The following MMUT variants were observed in gnomAD, a reference collection of about 807,000 sequenced individuals.
MMUT encodes the protein methylmalonyl-CoA mutase.
MMUT carries 79 observed loss-of-function variants against 79.9 expected under a neutral mutation model. That is an observed-to-expected ratio of 0.99 (90% CI 0.82 to 1.19). MMUT has a LOEUF of 1.19. Ranked by LOEUF, MMUT falls within the 50% of genes most tolerant of loss-of-function variation. MMUT has a pLI of 0.00. For missense variants in MMUT, 860 were observed against 917.2 expected, an observed-to-expected ratio of 0.94 and a Z score of 0.81; for synonymous variants, 273 against 295.7, an observed-to-expected ratio of 0.92 and a Z score of 0.79.
chr6:49,459,084 T>C lies in MMUT; in HGVS notation c.383A>G (p.Lys128Arg). The change falls in exon 2 of 13, where the codon AAG (lysine) becomes AGG (arginine). Residue 128 changes from lysine to arginine, a missense_variant and splice_region_variant. Lys to Arg is a conservative substitution (Grantham distance 26). Coordinates refer to ENST00000274813, the MANE Select transcript of MMUT (RefSeq NM_000255.4). ...ESNKFYKDNI[K>R]AGQQGLSVAF... ...TATGTCTTACATTAAAATCTCACCC[T>C]TAATGTTGTCCTTATAGAACTTATT... is the stretch of plus-strand genomic sequence containing the variant. 3 of 1,614,014 alleles carry C rather than the reference T, an allele frequency of 1.9e-6. No individual in the cohort carries two copies. Among genetic ancestry groups the C allele is most frequent in the Non-Finnish European group, 2.5e-6 (3 of 1,179,940 alleles).
At chr6:49,447,614 A>G (rs1767440280) in intron 8 of MMUT, 56 bp downstream of exon 8, 4 of 1,000,672 alleles carry the variant, frequency 4.0e-6, no homozygotes, top group Admixed American at 1.8e-5. Context: ...AAGCTTAGCC[A>G]GAGCCCAGAA....
At chr6:49,432,332 AT>A (rs60947232) in intron 12 of MMUT, among the ~76,000 whole-genome samples, 53,652 of 149,562 alleles carry the variant, frequency 0.36, 9,656 homozygotes, top group African/African-American at 0.39. Context: ...AAATAAGCCC[AT>A]TTTTTTTTTC....
intron 12 of MMUT, among the ~76,000 whole-genome samples, chr6:49,434,198 A>C (rs767389596): frequency 1.1e-4 from 17 of 152,182 alleles, no homozygotes; most frequent in Non-Finnish European, 2.9e-5. Flanking sequence ...GCAATAAAGA[A>C]TAACTACCCT....
rs778864344 is a variant in MMUT at position 49,444,666 on chromosome 6, G to A, written c.1649C>T (p.Ala550Val). ...TGCCCGAGATGCATCCACTGCAAGAGCCAGGATATTTCCATCTCCGCTAGC... is the reference window on the plus strand; with the variant it reads ...TGCCCGAGATGCATCCACTGCAAGAACCAGGATATTTCCATCTCCGCTAGC... ...CAASGDGNIL[A>V]LAVDASRARC... The change falls in exon 9 of 13, where the codon GCT becomes GTT. Residue 550 changes from alanine to valine, a missense_variant. Physicochemically the swap from Ala to Val is moderately conservative, Grantham distance 64. Transcript: ENST00000274813. 2.6e-5 allele frequency: 42 copies of A among 1,613,222 alleles called. No individual in the cohort carries two copies. The highest frequency in any genetic ancestry group is 3.4e-5 in the Non-Finnish European group (40 of 1,179,450).
chr6:49,444,640 T>C lies in MMUT; in HGVS notation c.1675A>G (p.Arg559Gly). 1 of 1,612,120 alleles carries C rather than the reference T, an allele frequency of 6.2e-7. No homozygotes were observed. Among genetic ancestry groups the C allele is most frequent in the Non-Finnish European group, 8.5e-7 (1 of 1,178,314 alleles). Residue 559 changes from arginine (R) to glycine (G), a missense_variant and splice_region_variant, in exon 9 of 13, where the codon AGA becomes GGA. Arg to Gly is a moderately radical substitution (Grantham distance 125). Transcript: ENST00000274813. ...ACCTCCAAACTTATATATCTTCACC[T>C]TGCCCGAGATGCATCCACTGCAAGA... ...LALAVDASRARCTVGEITDAL... is the reference protein window; with the variant it reads ...LALAVDASRAGCTVGEITDAL...
Position 49,441,934 on chromosome 6 carries a change from C to T in MMUT, c.1714G>A (p.Val572Ile). ...VGEITDALKK[V>I]FGEHKANDRM... ...TCATTCGCTTTATGTTCACCAAATA[C>T]CTTTTTCAGGGCATCTGTGATTTCT... Residue 572 changes from valine to isoleucine, a missense_variant, in exon 10 of 13, where the codon GTA (valine) becomes ATA (isoleucine). Coordinates refer to ENST00000274813, the MANE Select transcript of MMUT (RefSeq NM_000255.4). 1 of 1,611,748 alleles carries T rather than the reference C, an allele frequency of 6.2e-7. No individual in the cohort carries two copies. Among genetic ancestry groups the T allele is most frequent in the Non-Finnish European group, 8.5e-7 (1 of 1,178,370 alleles).
Position 49,453,768 on chromosome 6 carries a change from A to C in MMUT, c.912-12T>G, listed in dbSNP as rs760303633. 1 of 1,605,542 alleles carries C rather than the reference A, an allele frequency of 6.2e-7. No homozygotes were observed. The highest frequency in any genetic ancestry group is 8.5e-7 in the Non-Finnish European group (1 of 1,172,760). ...AGAAGAAAGACAACCTAAAATAGTA[A>C]CGTTAGGTCCAGAATTTAATTAAAG... On this transcript the variant is annotated splice_polypyrimidine_tract_variant and intron_variant, in intron 4 of 12. Coordinates refer to ENST00000274813, the MANE Select transcript of MMUT (RefSeq NM_000255.4).
In MMUT at chr6:49,459,279, G is replaced by A. The variant is rs1767776360; in HGVS notation, c.188C>T (p.Thr63Ile). 1 of 1,614,184 alleles carries A rather than the reference G, an allele frequency of 6.2e-7. No individual in the cohort carries two copies. Among genetic ancestry groups the A allele is most frequent in the Admixed American group, 1.7e-5 (1 of 60,016 alleles). The change falls in exon 2 of 13, where the codon ACC becomes ATC. Residue 63 changes from threonine to isoleucine, a missense_variant. Transcript: ENST00000274813. ...GKNPEDLIWHTPEGISIKPLY... is the reference protein window; with the variant it reads ...GKNPEDLIWHIPEGISIKPLY... ...GGGTTTTATAGAGATCCCTTCCGGGGTGTGCCATATTAGGTCTTCTGGGTT... is the reference window on the plus strand; with the variant it reads ...GGGTTTTATAGAGATCCCTTCCGGGATGTGCCATATTAGGTCTTCTGGGTT...
chr6:49,445,647 C>T (rs1767393332), intron 8 of MMUT, among the ~76,000 whole-genome samples: 1 of 151,958 alleles, frequency 6.6e-6, no homozygotes, highest in South Asian at 2.1e-4. Flanking sequence ...ATTCCTAATA[C>T]AATGTAAATA....
intron 11 of MMUT, among the ~76,000 whole-genome samples, chr6:49,438,646 G>A (rs1425673173): frequency 6.6e-6 from 1 of 152,130 alleles, no homozygotes; most frequent in Non-Finnish European, 1.5e-5. Context: ...TGTCAACTTG[G>A]TTGAAGGATA....
chr6:49,459,390 C>A lies in MMUT; in HGVS notation c.77G>T (p.Arg26Met). Residue 26 changes from arginine to methionine, a missense_variant, in exon 2 of 13, where the codon AGG (arginine) becomes ATG (methionine). Coordinates refer to ENST00000274813, the MANE Select transcript of MMUT (RefSeq NM_000255.4). The part of the protein sequence containing the change: ...LRQVKESSGS[R>M]LIQQRLLHQQ... Reference sequence around the variant, plus strand: ...GTGTAGAAGTCGTTGCTGTATGAGCCTGGAGCCTGATGATTCTTTTACCTG... The same window carrying A: ...GTGTAGAAGTCGTTGCTGTATGAGCATGGAGCCTGATGATTCTTTTACCTG... The A allele has an allele frequency of 1.2e-6, 2 of 1,613,632 alleles. No homozygotes were observed. Among genetic ancestry groups the A allele is most frequent in the Admixed American group, 3.3e-5 (2 of 59,926 alleles).
At chr6:49,436,604 CAAAA>C (rs35151510) in intron 11 of MMUT, among the ~76,000 whole-genome samples, 2 of 110,960 alleles carry the variant, frequency 1.8e-5, no homozygotes, top group Non-Finnish European at 3.8e-5. Context: ...GACTCTGTTT[CAAAA>C]AAAAAAAAAA....
At chr6:49,435,196 G>A (rs1277795193) in intron 12 of MMUT, among the ~76,000 whole-genome samples, 1 of 152,146 alleles carries the variant, frequency 6.6e-6, no homozygotes, top group Non-Finnish European at 1.5e-5. Flanking sequence ...TAAACATCTA[G>A]CATAGGTTAC....
chr6:49,461,331 A>G (rs140473217), intron 1 of MMUT, among the ~76,000 whole-genome samples: 1 of 152,328 alleles, frequency 6.6e-6, no homozygotes, highest in East Asian at 1.9e-4. Flanking sequence ...GTATAAGTAA[A>G]AAGTTAAAAA....
At chr6:49,451,321 C>A in intron 6 of MMUT, 145 bp downstream of exon 6, 1 of 934,440 alleles carries the variant, frequency 1.1e-6, no homozygotes, top group Non-Finnish European at 1.5e-6. Context: ...TTTTTGCAAA[C>A]ATCGTTTAAA....
Position 49,453,660 on chromosome 6 carries a change from C to T in MMUT, c.1008G>A (p.Met336Ile), listed in dbSNP as rs150095448. ...GAGATTTTGAGTTTTTAGGCTGAAACATTTTCTCTATTAAGTGAGCCCAGA... is the reference window on the plus strand; with the variant it reads ...GAGATTTTGAGTTTTTAGGCTGAAATATTTTCTCTATTAAGTGAGCCCAGA... ...RRLWAHLIEK[M>I]FQPKNSKSLL... is the part of the protein sequence containing the mutation. Residue 336 changes from methionine (M) to isoleucine (I), a missense_variant, in exon 5 of 13, where the codon ATG (methionine) becomes ATA (isoleucine). Physicochemically the swap from Met to Ile is conservative, Grantham distance 10. Coordinates refer to ENST00000274813, the MANE Select transcript of MMUT (RefSeq NM_000255.4). 54 of 1,613,108 alleles carry T rather than the reference C, an allele frequency of 3.3e-5. No individual in the cohort carries two copies. In the African/African-American group the frequency reaches 7.1e-4, roughly 21 times the overall value.
chr6:49,446,144 C>T lies in MMUT; in HGVS notation c.1561-1390G>A, dbSNP rs1767405718. Among the ~76,000 whole-genome samples, 3 of 151,684 alleles carry T rather than the reference C, an allele frequency of 2.0e-5. No homozygotes were observed. The South Asian group carries it at 6.2e-4, about 31-fold the overall frequency. On this transcript the variant is annotated intron_variant, in intron 8 of 12. Coordinates refer to ENST00000274813, the MANE Select transcript of MMUT (RefSeq NM_000255.4). ...ATTACTAAAATTCAGGGAGTGAAAA[C>T]AGATGCTAAAATTAATTAGGGCTGA...
chr6:49,436,233 T>C (rs987327589), intron 11 of MMUT, among the ~76,000 whole-genome samples: 1 of 152,154 alleles, frequency 6.6e-6, no homozygotes, highest in African/African-American at 2.4e-5. Context: ...CGCACAGACC[T>C]CAAAACAGAA....
At chr6:49,435,358 A>C (rs1334594628) in intron 12 of MMUT, 98 bp downstream of exon 12, 1 of 1,213,662 alleles carries the variant, frequency 8.2e-7, no homozygotes, top group Non-Finnish European at 1.2e-6. Context: ...AGGAAATAAT[A>C]TGTTCCTAAA....
Sources: gnomAD v4.1 joint callset for allele counts (sites outside exome capture counted in the v4.1 genomes callset) on GRCh38, gnomAD v4.1.1 for gene constraint, MANE v1.5 for transcripts, NCBI Gene and HGNC (gene_info 2026-07-23, HGNC 2026-07-21) for gene names.